The following DENND2B variants were observed in gnomAD, a reference collection of about 807,000 sequenced individuals.
DENND2B encodes the protein DENN domain containing 2B, also known as DENN domain-containing protein 2B.
Under a neutral mutation model 116.0 loss-of-function variants are expected in DENND2B, and 32 were observed. The observed-to-expected ratio is 0.28, with a 90% CI of 0.21 to 0.37. DENND2B has a LOEUF of 0.37. Ranked by LOEUF, DENND2B falls within the 10% of genes least tolerant of loss-of-function variation. The pLI is 1.00. For synonymous variants in DENND2B, 588 were observed against 583.9 expected, an observed-to-expected ratio of 1.01 and a Z score of -0.10; for missense variants, 1,276 against 1,477.7, an observed-to-expected ratio of 0.86 and a Z score of 2.24.
intron 3 of DENND2B, among the ~76,000 whole-genome samples, chr11:8,727,411 G>A (rs2047260697): frequency 1.3e-5 from 2 of 152,086 alleles, no homozygotes; most frequent in African/African-American, 2.4e-5. Flanking sequence ...CATCTCCTCC[G>A]TGTGCCTCTG....
intron 2 of DENND2B, among the ~76,000 whole-genome samples, chr11:8,860,692 A>G (rs536811817): frequency 6.6e-6 from 1 of 152,336 alleles, no homozygotes; most frequent in East Asian, 1.9e-4. Context: ...AGAAAAAACA[A>G]TTCTAAAATT....
chr11:8,832,972 C>T (rs555956057), intron 4 of DENND2B, among the ~76,000 whole-genome samples: 7 of 152,340 alleles, frequency 4.6e-5, no homozygotes, highest in South Asian at 2.1e-4. Context: ...AAGGCAGGCA[C>T]GCAGATGTGA....
At chr11:8,758,238 T>C (rs1225587381) in intron 1 of DENND2B, among the ~76,000 whole-genome samples, 1 of 152,192 alleles carries the variant, frequency 6.6e-6, no homozygotes, top group Non-Finnish European at 1.5e-5. Flanking sequence ...TCTGCCTAGC[T>C]ATGTGCAACT....
At chr11:8,724,067 A>C (rs1243832205) in intron 4 of DENND2B, among the ~76,000 whole-genome samples, 1 of 152,160 alleles carries the variant, frequency 6.6e-6, no homozygotes, top group African/African-American at 2.4e-5. Context: ...AGACCGAGGC[A>C]GGCGGATCAT....
intron 1 of DENND2B, among the ~76,000 whole-genome samples, chr11:8,758,329 A>G (rs1488268079): frequency 1.3e-5 from 2 of 152,128 alleles, no homozygotes; most frequent in African/African-American, 4.8e-5. Flanking sequence ...CTGGCCCTCA[A>G]CCACAAAGGA....
chr11:8,771,541 G>GAGAA (rs1230212343), intron 1 of DENND2B: 2 of 147,156 alleles, frequency 1.4e-5, no homozygotes, highest in Non-Finnish European at 3.0e-5. Flanking sequence ...GAGAGAGAGA[G>GAGAA]AGAGAGAGAG....
chr11:8,795,459 T>C (rs1001775811), intron 1 of DENND2B, among the ~76,000 whole-genome samples: 1 of 152,108 alleles, frequency 6.6e-6, no homozygotes, highest in Non-Finnish European at 1.5e-5. Flanking sequence ...TACTAAAAAA[T>C]TTCTACTAAA....
chr11:8,820,318 T>C (rs2061714335), intron 4 of DENND2B, among the ~76,000 whole-genome samples: 1 of 152,186 alleles, frequency 6.6e-6, no homozygotes, highest in Non-Finnish European at 1.5e-5. Context: ...AAAGCACAGA[T>C]GACATTTATT....
At chr11:8,854,820 C>A (rs905794338) in intron 3 of DENND2B, among the ~76,000 whole-genome samples, 3 of 152,194 alleles carry the variant, frequency 2.0e-5, no homozygotes, top group African/African-American at 7.2e-5. Context: ...TCAACCGATT[C>A]TCATGCCTTA....
intron 2 of DENND2B, among the ~76,000 whole-genome samples, chr11:8,863,517 G>A (rs1236629673): frequency 6.6e-6 from 1 of 152,074 alleles, no homozygotes; most frequent in Non-Finnish European, 1.5e-5. Flanking sequence ...ACAGGCGTCA[G>A]CCACTGCGCC....
At chr11:8,821,874 C>A (rs2061780975) in intron 4 of DENND2B, among the ~76,000 whole-genome samples, 1 of 152,178 alleles carries the variant, frequency 6.6e-6, no homozygotes, top group Admixed American at 6.5e-5. Flanking sequence ...TCACTGCAAC[C>A]TCTGCCTCCC....
chr11:8,727,191 C>T (rs2047218751), intron 3 of DENND2B, among the ~76,000 whole-genome samples: 1 of 152,208 alleles, frequency 6.6e-6, no homozygotes, highest in Non-Finnish European at 1.5e-5. Context: ...ATCCCTCCTC[C>T]CACCCATGAA....
intron 10 of DENND2B, 49 bp from the exon 11 acceptor site, chr11:8,710,963 A>C (rs1263961479): frequency 7.5e-6 from 12 of 1,606,710 alleles, no homozygotes; most frequent in Non-Finnish European, 1.0e-5. Context: ...AGGACCTAGG[A>C]AACAGCCCCC....
intron 2 of DENND2B, among the ~76,000 whole-genome samples, chr11:8,732,632 G>A (rs972985438): frequency 1.4e-5 from 2 of 138,900 alleles, no homozygotes; most frequent in Non-Finnish European, 3.3e-5. Context: ...GGTGAATGAT[G>A]AAGAGCAAAA....
At chr11:8,720,238 C>T (rs1003628407) in intron 4 of DENND2B, among the ~76,000 whole-genome samples, 89 of 152,068 alleles carry the variant, frequency 5.9e-4, no homozygotes, top group African/African-American at 2.1e-3. Context: ...CCAAGACTAG[C>T]CCTCTTTTTT....
chr11:8,707,164 C>A lies in DENND2B; in HGVS notation c.2492G>T (p.Arg831Ile), dbSNP rs1310810765. Residue 831 changes from arginine (R) to isoleucine (I), a missense_variant, in exon 13 of 20, where the codon AGA becomes ATA. This residue lies in a region of DENND2B where 420 missense variants were observed against 631.1 expected (regional missense o/e 0.67). Transcript: ENST00000313726. This position sits in a 1 kb window ranked among gnomAD's most constrained non-coding sequence, Gnocchi z 4.8. ...ISAALVYPFM[R>I]SLMESPFPAP... The stretch of plus-strand genomic sequence containing the variant: ...TGGGAAGGGCGACTCCATGAGACTT[C>A]TCATGAAAGGATAGACCAATGCAGC... 1 of 1,613,770 alleles carries A rather than the reference C, an allele frequency of 6.2e-7. No homozygotes were observed. Among genetic ancestry groups the A allele is most frequent in the Admixed American group, 1.7e-5 (1 of 59,960 alleles).
chr11:8,789,883 T>C (rs1271083125), intron 1 of DENND2B, among the ~76,000 whole-genome samples: 1 of 152,116 alleles, frequency 6.6e-6, no homozygotes, highest in Non-Finnish European at 1.5e-5. Context: ...ACTAAAACTA[T>C]CCAAGAAGAC....
intron 4 of DENND2B, among the ~76,000 whole-genome samples, chr11:8,821,322 C>T (rs2061754979): frequency 6.6e-6 from 1 of 151,474 alleles, no homozygotes; most frequent in South Asian, 2.1e-4. Flanking sequence ...AACTAGCTGG[C>T]TCACACCAGT....
chr11:8,854,924 C>T (rs1450266249), intron 3 of DENND2B, among the ~76,000 whole-genome samples: 6 of 152,158 alleles, frequency 3.9e-5, no homozygotes, highest in Admixed American at 3.9e-4. Context: ...GTTGGTCAGA[C>T]TAGTCTCAAA....
Sources: allele counts gnomAD v4.1 joint callset (sites outside exome capture counted in the v4.1 genomes callset), GRCh38; gene constraint gnomAD v4.1.1; regional missense constraint gnomAD v4.1.1; non-coding constraint Gnocchi (gnomAD v3.1); transcripts MANE v1.5; gene names NCBI Gene and HGNC (gene_info 2026-07-23, HGNC 2026-07-21).